The following DLGAP2 variants were observed in gnomAD, a reference collection of about 807,000 sequenced individuals.
DLGAP2 encodes disks large-associated protein 2.
DLGAP2 carries 26 observed loss-of-function variants against 100.3 expected under a neutral mutation model. That is an observed-to-expected ratio of 0.26 (90% CI 0.19 to 0.36). DLGAP2 has a LOEUF of 0.36. DLGAP2 is among the 10% of genes least tolerant of loss of function. The pLI is 1.00. For synonymous variants in DLGAP2, 886 were observed against 630.1 expected (o/e 1.41, Z -6.08); for missense variants, 1,858 against 1,453.2 (o/e 1.28, Z -4.53).
rs113368685 is a variant in DLGAP2, at chr8:1,561,482, T to C, written c.1231-4201T>C. Among the ~76,000 whole-genome samples, 456 of 152,210 alleles carry C rather than the reference T, an allele frequency of 3.0e-3. 3 individuals carry two copies. Among genetic ancestry groups the C allele is most frequent in the African/African-American group, 0.01 (425 of 41,540 alleles). ...TCCTTGTCCTGAGCCTTTGGGCCTCTTGGAATCTGGGTGGAGGGAGAATCT... is the reference window on the plus strand; with the variant it reads ...TCCTTGTCCTGAGCCTTTGGGCCTCCTGGAATCTGGGTGGAGGGAGAATCT... On this transcript the variant is annotated intron_variant, in intron 5 of 14. Coordinates refer to ENST00000637795, the MANE Select transcript of DLGAP2 (RefSeq NM_001346810.2).
intron 1 of DLGAP2, chr8:891,138 C>CG (rs1554441053): frequency 6.6e-6 from 1 of 152,074 alleles, no homozygotes; most frequent in Admixed American, 6.6e-5. Flanking sequence ...CACCCCCCCC[C>CG]CAGTTGCCAA....
At chr8:1,350,933 C>A (rs143315540) in intron 3 of DLGAP2, among the ~76,000 whole-genome samples, 12 of 58,010 alleles carry the variant, frequency 2.1e-4, no homozygotes, top group South Asian at 7.0e-4. Context: ...TGTGGAAAGG[C>A]CGTGCGGGTC....
intron 3 of DLGAP2, among the ~76,000 whole-genome samples, chr8:1,426,076 A>G (rs73172515): frequency 0.21 from 32,409 of 152,172 alleles, 3,874 homozygotes; most frequent in Middle Eastern, 0.29. Context: ...AGCATCCCCT[A>G]AGGCCGGGAG....
chr8:1,242,509 G>T (rs898794151), intron 2 of DLGAP2, among the ~76,000 whole-genome samples: 2 of 152,134 alleles, frequency 1.3e-5, no homozygotes, highest in African/African-American at 4.8e-5. Flanking sequence ...CACCAACCCC[G>T]CCCACTTCCT....
At chr8:1,538,497 G>T (rs1801230743) in intron 4 of DLGAP2, among the ~76,000 whole-genome samples, 1 of 152,268 alleles carries the variant, frequency 6.6e-6, no homozygotes, top group East Asian at 1.9e-4. Flanking sequence ...CAGGCTCAGG[G>T]CTCAGACTGC....
chr8:1,597,932 TC>T (rs1389988012), intron 6 of DLGAP2, among the ~76,000 whole-genome samples: 1 of 152,248 alleles, frequency 6.6e-6, no homozygotes, highest in Non-Finnish European at 1.5e-5. Flanking sequence ...AGACAGGGCA[TC>T]CCTGTCTTGT....
intron 3 of DLGAP2, among the ~76,000 whole-genome samples, chr8:1,409,557 G>A (rs540393222): frequency 3.3e-5 from 5 of 152,292 alleles, no homozygotes; most frequent in African/African-American, 1.2e-4. Flanking sequence ...CTGTCACCGT[G>A]TGATGGTGAA....
chr8:1,477,188 G>T (rs892848365), intron 3 of DLGAP2, among the ~76,000 whole-genome samples: 4 of 151,716 alleles, frequency 2.6e-5, no homozygotes, highest in African/African-American at 4.8e-5. Flanking sequence ...AGTTGCGGGG[G>T]TGGATGCGCA....
At chr8:1,479,524 T>G (rs1035734814) in intron 3 of DLGAP2, among the ~76,000 whole-genome samples, 1 of 152,102 alleles carries the variant, frequency 6.6e-6, no homozygotes. Flanking sequence ...GGGAAAGTGG[T>G]GTTTACTTGA....
At chr8:1,275,884 A>AAT (rs1253040312) in intron 3 of DLGAP2, among the ~76,000 whole-genome samples, 2 of 37,530 alleles carry the variant, frequency 5.3e-5, no homozygotes, top group African/African-American at 2.6e-4. Flanking sequence ...TATATAAATA[A>AAT]ATATATAATA....
chr8:879,274 C>T (rs777892774), intron 1 of DLGAP2, among the ~76,000 whole-genome samples: 19 of 152,148 alleles, frequency 1.2e-4, no homozygotes, highest in Non-Finnish European at 2.6e-4. Context: ...ACTCTCTGGG[C>T]AATAATTTGT....
intron 3 of DLGAP2, among the ~76,000 whole-genome samples, chr8:1,345,759 C>T (rs1801540175): frequency 6.6e-6 from 1 of 152,188 alleles, no homozygotes; most frequent in Admixed American, 6.6e-5. Context: ...GTTATTGAAA[C>T]TTTCTAGGCT....
At chr8:1,486,435 T>C in intron 3 of DLGAP2, among the ~76,000 whole-genome samples, 1 of 152,192 alleles carries the variant, frequency 6.6e-6, no homozygotes, top group East Asian at 1.9e-4. Context: ...GACTGCCATG[T>C]GGTGGCACGT....
intron 2 of DLGAP2, among the ~76,000 whole-genome samples, chr8:974,951 G>T (rs1355404207): frequency 6.6e-6 from 1 of 152,280 alleles, no homozygotes; most frequent in East Asian, 1.9e-4. Context: ...CTTAAGCCAA[G>T]AGCTTGTTCT....
chr8:1,438,291 G>A (rs1048005112), intron 3 of DLGAP2, among the ~76,000 whole-genome samples: 1 of 152,152 alleles, frequency 6.6e-6, no homozygotes, highest in African/African-American at 2.4e-5. Flanking sequence ...ATGGATATGA[G>A]GAAGGGTAAG....
chr8:954,521 ATTACACAG>A (rs1470049506), intron 2 of DLGAP2, among the ~76,000 whole-genome samples: 1 of 152,218 alleles, frequency 6.6e-6, no homozygotes, highest in East Asian at 1.9e-4. Flanking sequence ...GTAACTGAAT[ATTACACAG>A]CAGTGGAAAA....
At chr8:1,161,992 G>A (rs1189064627) in intron 2 of DLGAP2, among the ~76,000 whole-genome samples, 2 of 152,236 alleles carry the variant, frequency 1.3e-5, no homozygotes, top group Non-Finnish European at 2.9e-5. Context: ...CTAGAATGCA[G>A]GTGCCTGGGC....
At chr8:973,520 G>A (rs1800077157) in intron 2 of DLGAP2, among the ~76,000 whole-genome samples, 1 of 152,342 alleles carries the variant, frequency 6.6e-6, no homozygotes, top group African/African-American at 2.4e-5. Flanking sequence ...ACGATGGGCG[G>A]CCGGGCAGAG....
intron 3 of DLGAP2, among the ~76,000 whole-genome samples, chr8:1,352,789 G>T (rs1231089213): frequency 6.6e-6 from 1 of 152,076 alleles, no homozygotes; most frequent in African/African-American, 2.4e-5. Flanking sequence ...AGCCTTGGAT[G>T]CCACTCCCCA....
Sources: gnomAD v4.1 joint callset for allele counts (sites outside exome capture counted in the v4.1 genomes callset) on GRCh38, gnomAD v4.1.1 for gene constraint, MANE v1.5 for transcripts, NCBI Gene and HGNC (gene_info 2026-07-23, HGNC 2026-07-21) for gene names.